Variants in ELOC observed in about 807,000 individuals in gnomAD.
ELOC encodes the protein elongin-C.
For synonymous variants in ELOC, 40 were observed against 51.3 expected, an observed-to-expected ratio of 0.78 and a Z score of 0.94; for missense variants, 38 against 139.0, an observed-to-expected ratio of 0.27 and a Z score of 3.65.
intron 3 of ELOC, among the ~76,000 whole-genome samples, chr8:73,955,220 G>A (rs924992013): frequency 3.3e-5 from 5 of 152,112 alleles, no homozygotes; most frequent in Non-Finnish European, 5.9e-5. Flanking sequence ...TGTAATCCCC[G>A]CACTTTGCGA....
At chr8:73,947,554 A>AT (rs1031256824) in intron 3 of ELOC, among the ~76,000 whole-genome samples, 2 of 151,978 alleles carry the variant, frequency 1.3e-5, no homozygotes, top group Non-Finnish European at 2.9e-5. Flanking sequence ...TGGAATTCTG[A>AT]TTTTTTTAGT....
At chr8:73,957,121 C>T (rs989971216) in intron 2 of ELOC, among the ~76,000 whole-genome samples, 1 of 151,048 alleles carries the variant, frequency 6.6e-6, no homozygotes, top group African/African-American at 2.4e-5. Context: ...TGCAGTGAGC[C>T]GAGACTGCGC....
At chr8:73,961,014 A>G (rs926387131) in intron 1 of ELOC, among the ~76,000 whole-genome samples, 7 of 152,208 alleles carry the variant, frequency 4.6e-5, no homozygotes, top group Non-Finnish European at 1.0e-4. Flanking sequence ...GTACACATAC[A>G]TATTTTTATG....
At chr8:73,970,538 A>T (rs1481222467) in intron 1 of ELOC, 1 of 152,214 alleles carries the variant, frequency 6.6e-6, no homozygotes, top group Non-Finnish European at 1.5e-5. Flanking sequence ...ACCCCAAATC[A>T]TCATTGGCAA....
At chr8:73,951,095 AC>A (rs1233142189) in intron 3 of ELOC, among the ~76,000 whole-genome samples, 4 of 151,930 alleles carry the variant, frequency 2.6e-5, no homozygotes, top group Non-Finnish European at 5.9e-5. Context: ...ACACAGTGAA[AC>A]CCCATCTCTA....
chr8:73,948,631 A>G (rs950657285), intron 3 of ELOC, among the ~76,000 whole-genome samples: 3 of 152,244 alleles, frequency 2.0e-5, no homozygotes, highest in South Asian at 2.1e-4. Context: ...ACCTAAAATA[A>G]TAAGAAAAAT....
intron 3 of ELOC, among the ~76,000 whole-genome samples, chr8:73,947,442 T>TA (rs761898354): frequency 1.3e-5 from 2 of 152,120 alleles, no homozygotes; most frequent in Non-Finnish European, 2.9e-5. Flanking sequence ...TGTGAGAAAA[T>TA]AAAGTTCTGT....
chr8:73,956,064 A>C lies in ELOC; in HGVS notation c.5-10T>G, dbSNP rs1814157248. 1 of 1,607,836 alleles carries C rather than the reference A, an allele frequency of 6.2e-7. No individual in the cohort carries two copies. Among genetic ancestry groups the C allele is most frequent in the Non-Finnish European group, 8.5e-7 (1 of 1,175,594 alleles). On this transcript the variant is annotated splice_polypyrimidine_tract_variant and intron_variant, in intron 2 of 3. Coordinates refer to ENST00000520242, the MANE Select transcript of ELOC (RefSeq NM_005648.4). ...GTTTTCTCCTCTCCATCTAAAGTAA[A>C]GTAAGTAGTGAAACAATTTTTGAGT... is the stretch of plus-strand genomic sequence containing the variant.
Position 73,946,765 on chromosome 8 carries a change from A to G in ELOC, c.204T>C (p.His68=). ...AATACATGCATACTTTCGATAGCAC[A>G]TGTGAAGGTATCTCTCTAAAATTGA... The part of the protein sequence containing the change: ...NEVNFREIPS[H]VLSKVCMYFT... Residue 68 remains histidine (H), a synonymous_variant, in exon 4 of 4, where the codon CAT becomes CAC. Transcript: ENST00000520242. 6.2e-7 allele frequency: 1 copy of G among 1,614,100 alleles called. No individual in the cohort carries two copies. The highest frequency in any genetic ancestry group is 8.5e-7 in the Non-Finnish European group (1 of 1,179,968).
chr8:73,968,453 A>G (rs947442307), intron 1 of ELOC, among the ~76,000 whole-genome samples: 4 of 152,206 alleles, frequency 2.6e-5, no homozygotes, highest in African/African-American at 9.7e-5. Flanking sequence ...TAATATCTCC[A>G]AACTCCCTTG....
rs1280901714 is a variant in ELOC at position 73,969,241 on chromosome 8, C to A, written c.-51+2836G>T. The stretch of plus-strand genomic sequence containing the variant: ...CTGATACTCCCTTCCTTTGTCTTCC[C>A]CATTTCAGTACATGCACTGCTGTTT... On this transcript the variant is annotated intron_variant, in intron 1 of 3. Coordinates refer to ENST00000520242, the MANE Select transcript of ELOC (RefSeq NM_005648.4). 2.0e-5 allele frequency among the ~76,000 whole-genome samples: 3 copies of A among 152,192 alleles called. No individual in the cohort carries two copies. The East Asian group carries it at 5.8e-4, about 29-fold the overall frequency.
chr8:73,950,050 C>T (rs1037523034), intron 3 of ELOC, among the ~76,000 whole-genome samples: 1 of 152,062 alleles, frequency 6.6e-6, no homozygotes, highest in African/African-American at 2.4e-5. Context: ...ATCTTCAGCA[C>T]CCAGATTGGG....
At chr8:73,946,861 T>C (rs374329875) in intron 3 of ELOC, 41 bp from the exon 4 acceptor site, 5 of 1,542,838 alleles carry the variant, frequency 3.2e-6, no homozygotes, top group Non-Finnish European at 4.4e-6. Flanking sequence ...GGCTGAATTG[T>C]GTCCTCCAAA....
At chr8:73,965,340 G>A (rs1459882639) in intron 1 of ELOC, among the ~76,000 whole-genome samples, 1 of 152,176 alleles carries the variant, frequency 6.6e-6, no homozygotes, top group African/African-American at 2.4e-5. Context: ...ATTAAAGGCT[G>A]GAGAGGATGT....
At chr8:73,955,675 G>T (rs1586602312) in intron 3 of ELOC, 1 of 485,700 alleles carries the variant, frequency 2.1e-6, no homozygotes, top group African/African-American at 2.0e-5. Flanking sequence ...TGAGGCAGGA[G>T]AATTGCCTGA....
intron 2 of ELOC, among the ~76,000 whole-genome samples, chr8:73,957,530 C>T (rs1421909071): frequency 6.6e-6 from 1 of 152,034 alleles, no homozygotes; most frequent in Non-Finnish European, 1.5e-5. Flanking sequence ...ACTGTTCAGC[C>T]ACAAATATCC....
At chr8:73,971,676 G>A (rs1448302036) in intron 1 of ELOC, among the ~76,000 whole-genome samples, 2 of 152,034 alleles carry the variant, frequency 1.3e-5, no homozygotes, top group Admixed American at 1.3e-4. Flanking sequence ...ACTGCAGCTA[G>A]AAGAAGCGAG....
chr8:73,960,576 C>T (rs1185452682), intron 1 of ELOC, among the ~76,000 whole-genome samples: 1 of 152,158 alleles, frequency 6.6e-6, no homozygotes, highest in Non-Finnish European at 1.5e-5. Flanking sequence ...ATCATGTCTA[C>T]AGAATGAAAC....
chr8:73,951,433 A>T (rs1563672432), intron 3 of ELOC, among the ~76,000 whole-genome samples: 1 of 152,134 alleles, frequency 6.6e-6, no homozygotes, highest in Non-Finnish European at 1.5e-5. Context: ...TGGGAGGCCA[A>T]GTTGGGAGGA....
Sources: allele counts gnomAD v4.1 joint callset (sites outside exome capture counted in the v4.1 genomes callset), GRCh38; gene constraint gnomAD v4.1.1; transcripts MANE v1.5; gene names NCBI Gene and HGNC (gene_info 2026-07-23, HGNC 2026-07-21).